The following AXDND1 variants were observed in gnomAD, a reference collection of about 807,000 sequenced individuals.
The protein encoded by AXDND1 is axonemal dynein light chain domain-containing protein 1.
Under a neutral mutation model 137.5 loss-of-function variants are expected in AXDND1, and 110 were observed. That is an observed-to-expected ratio of 0.80 (90% confidence interval 0.69 to 0.94). AXDND1 has a LOEUF of 0.94. Ranked by LOEUF, AXDND1 falls within the 40% of genes least tolerant of loss-of-function variation. The pLI is 0.00. For synonymous variants in AXDND1, 414 were observed against 399.7 expected, an observed-to-expected ratio of 1.04 and a Z score of -0.43; for missense variants, 1,191 against 1,169.8, an observed-to-expected ratio of 1.02 and a Z score of -0.26.
intron 11 of AXDND1, among the ~76,000 whole-genome samples, chr1:179,402,939 C>A (rs1164242869): frequency 6.6e-6 from 1 of 152,192 alleles, no homozygotes; most frequent in Non-Finnish European, 1.5e-5. Flanking sequence ...CAGCATTTGT[C>A]ACAATGGATC....
chr1:179,381,053 TC>T (rs368946342), intron 6 of AXDND1, among the ~76,000 whole-genome samples: 36,815 of 85,552 alleles, frequency 0.43, 6,076 homozygotes, highest in Non-Finnish European at 0.48. Flanking sequence ...TTTTTTTTTT[TC>T]TTTGAGACGG....
At chr1:179,532,922 AAATAAAT>A (rs1199002906) in intron 23 of AXDND1, 1 of 151,776 alleles carries the variant, frequency 6.6e-6, no homozygotes. Context: ...ATAAATAAAT[AAATAAAT>A]AAATAGTGAA....
intron 20 of AXDND1, among the ~76,000 whole-genome samples, chr1:179,493,391 A>T (rs1667130751): frequency 6.6e-6 from 1 of 152,130 alleles, no homozygotes. Context: ...GACACAATTT[A>T]TTTAGTCTCT....
At chr1:179,495,146 C>T (rs1184764891) in intron 20 of AXDND1, among the ~76,000 whole-genome samples, 3 of 152,010 alleles carry the variant, frequency 2.0e-5, no homozygotes, top group African/African-American at 2.4e-5. Flanking sequence ...AATATAAATC[C>T]TCCAAATTTG....
chr1:179,459,994 T>TCCTTCCTTCCTCTCCTC (rs1553278286), intron 16 of AXDND1, among the ~76,000 whole-genome samples: 7,151 of 137,922 alleles, frequency 0.052, 220 homozygotes, highest in Non-Finnish European at 0.061. Flanking sequence ...TTTCTTTCCT[T>TCCTTCCTTCCTCTCCTC]CCTTCCTTCC....
intron 16 of AXDND1, chr1:179,456,572 ACCT>A: frequency 1.3e-6 from 1 of 777,632 alleles, no homozygotes; most frequent in Non-Finnish European, 2.3e-6. Context: ...AACCAGGGCC[ACCT>A]CCTCCATAAC....
chr1:179,497,106 C>T (rs935957394), intron 20 of AXDND1, among the ~76,000 whole-genome samples: 12 of 152,100 alleles, frequency 7.9e-5, no homozygotes, highest in African/African-American at 2.9e-4. Context: ...TGTTTGAGAA[C>T]CTAGAACATT....
chr1:179,510,748 A>AT (rs1256418018), intron 21 of AXDND1, among the ~76,000 whole-genome samples: 1 of 152,006 alleles, frequency 6.6e-6, no homozygotes, highest in Non-Finnish European at 1.5e-5. Flanking sequence ...CAAGTCTTTT[A>AT]TTTTTTATTT....
chr1:179,519,398 C>G (rs1669850894), intron 21 of AXDND1, among the ~76,000 whole-genome samples: 1 of 152,070 alleles, frequency 6.6e-6, no homozygotes. Flanking sequence ...ATTAGATATG[C>G]CATTTGTCAA....
At chr1:179,464,694 A>G (rs904946450) in intron 16 of AXDND1, among the ~76,000 whole-genome samples, 9 of 152,178 alleles carry the variant, frequency 5.9e-5, no homozygotes, top group South Asian at 2.1e-4. Context: ...CTCCTGGATA[A>G]TATCCTGAAG....
chr1:179,468,618 G>C lies in AXDND1; in HGVS notation c.1974G>C (p.Gln658His), dbSNP rs192269491. Residue 658 changes from glutamine (Q) to histidine (H), a missense_variant, in exon 17 of 26, where the codon CAG (glutamine) becomes CAC (histidine). By Grantham distance (24) the Gln-to-His change is conservative. Coordinates refer to ENST00000367618, the MANE Select transcript of AXDND1 (RefSeq NM_144696.6). ...TAAACCTTACTGGTATTGTTCCACA[G>C]CACATAGATGTGGATTCTGTTTCGT... The part of the protein sequence containing the change: ...ILLNLTGIVP[Q>H]HIDVDSVSVL... 18 of 1,604,698 alleles carry C rather than the reference G, an allele frequency of 1.1e-5. No homozygotes were observed. In the East Asian group the frequency reaches 4.0e-4, roughly 36 times the overall value.
chr1:179,441,110 C>T (rs6693627), intron 15 of AXDND1, among the ~76,000 whole-genome samples: 98,495 of 151,970 alleles, frequency 0.65, 32,250 homozygotes, highest in Middle Eastern at 0.7. Context: ...AATACTCTTA[C>T]TGTGTGTGGG....
At chr1:179,439,714 A>G (rs1658709860) in intron 15 of AXDND1, among the ~76,000 whole-genome samples, 1 of 152,136 alleles carries the variant, frequency 6.6e-6, no homozygotes, top group African/African-American at 2.4e-5. Flanking sequence ...TCCCCAGGTT[A>G]TGAGGGTTGA....
At chr1:179,482,098 ATTTTTTTTTTTTTT>A (rs57145549) in intron 17 of AXDND1, among the ~76,000 whole-genome samples, 1 of 108,068 alleles carries the variant, frequency 9.3e-6, no homozygotes. Context: ...GAGCTTTTTA[ATTTTTTTTTTTTTT>A]TTTTTTTTTT....
chr1:179,461,953 A>G (rs139120687), intron 16 of AXDND1, among the ~76,000 whole-genome samples: 35,079 of 152,036 alleles, frequency 0.23, 4,380 homozygotes, highest in East Asian at 0.35. Flanking sequence ...GGGCTGAGAC[A>G]ATGAGGTTTT....
rs1650481845 is a variant in AXDND1 at position 179,393,281 on chromosome 1, ATCTGAGTTTATT to A, written c.864-617_864-606del. ...TGTTGCAGATCAGTTGGCTGTAAGTATCTGAGTTTATTTCTGGATTCTCTAGTCTGTTCCGTT... is the reference window on the plus strand; with the variant it reads ...TGTTGCAGATCAGTTGGCTGTAAGTATCTGGATTCTCTAGTCTGTTCCGTT... On this transcript the variant is annotated intron_variant, in intron 9 of 25. Coordinates refer to ENST00000367618, the MANE Select transcript of AXDND1 (RefSeq NM_144696.6). 2.6e-5 allele frequency among the ~76,000 whole-genome samples: 4 copies of A among 152,124 alleles called. No individual in the cohort carries two copies. In the South Asian group the frequency reaches 8.3e-4, roughly 32 times the overall value.
At chr1:179,438,225 G>A (rs552737655) in intron 15 of AXDND1, among the ~76,000 whole-genome samples, 25 of 152,156 alleles carry the variant, frequency 1.6e-4, no homozygotes, top group African/African-American at 4.3e-4. Context: ...GAAAGCTACC[G>A]GCAAATCGGC....
At chr1:179,488,639 CTTTCTTTCTTTCTTTCTTTCTTTCTT>C (rs1666415495) in intron 18 of AXDND1, among the ~76,000 whole-genome samples, 7 of 50,366 alleles carry the variant, frequency 1.4e-4, no homozygotes, top group South Asian at 5.8e-4. Flanking sequence ...TCTCTCCTTT[CTTTCTTTCTTTCTTTCTTTCTTTCTT>C]TCTTTCTTTC....
intron 12 of AXDND1, among the ~76,000 whole-genome samples, chr1:179,426,019 T>C (rs1487792833): frequency 6.6e-6 from 1 of 151,966 alleles, no homozygotes; most frequent in Non-Finnish European, 1.5e-5. Context: ...GTATTTTTGG[T>C]AGAGACGGGG....
Sources: gnomAD v4.1 joint callset for allele counts (sites outside exome capture counted in the v4.1 genomes callset) on GRCh38, gnomAD v4.1.1 for gene constraint, MANE v1.5 for transcripts, NCBI Gene and HGNC (gene_info 2026-07-23, HGNC 2026-07-21) for gene names.